Variants in CRPPA observed in about 807,000 individuals in gnomAD.
CRPPA encodes the protein D-ribitol-5-phosphate cytidylyltransferase.
In CRPPA, 43 loss-of-function variants were observed where a neutral mutation model predicts 52.0. The ratio of observed to expected loss-of-function variants is 0.83; its 90% confidence interval spans 0.65 to 1.07. The LOEUF (loss-of-function observed/expected upper bound fraction) is 1.07, where lower values mean the gene tolerates loss of function less well. Among genes scored for constraint, CRPPA ranks in the 50% least tolerant of loss-of-function variants. CRPPA has a pLI of 0.00. For synonymous variants in CRPPA, 250 were observed against 203.5 expected (o/e 1.23, Z -1.94); for missense variants, 629 against 551.7 (o/e 1.14, Z -1.40).
At position 16,100,352 on chromosome 7, in the gene CRPPA, A is replaced by G. The variant is rs538964913; in HGVS notation, c.1252-8553T>C. Among the ~76,000 whole-genome samples, 3 of 152,260 alleles carry G rather than the reference A, an allele frequency of 2.0e-5. No individual in the cohort carries two copies. The East Asian group carries it at 5.8e-4, about 29-fold the overall frequency. On this transcript the variant is annotated intron_variant, in intron 9 of 9. Coordinates refer to ENST00000407010, the MANE Select transcript of CRPPA (RefSeq NM_001101426.4). ...CCCTAATGTTTTTATTTGGTTTGCAATCTACAGGACTTAATTTCTCAGCTA... is the reference window on the plus strand; with the variant it reads ...CCCTAATGTTTTTATTTGGTTTGCAGTCTACAGGACTTAATTTCTCAGCTA...
intron 3 of CRPPA, among the ~76,000 whole-genome samples, chr7:16,342,171 G>A (rs931676195): frequency 6.6e-6 from 1 of 152,098 alleles, no homozygotes; most frequent in Non-Finnish European, 1.5e-5. Context: ...CTCTGATTAT[G>A]TGTCCTAACA....
At chr7:16,100,425 A>G (rs1782021071) in intron 9 of CRPPA, among the ~76,000 whole-genome samples, 1 of 152,360 alleles carries the variant, frequency 6.6e-6, no homozygotes, top group East Asian at 1.9e-4. Context: ...AAACTCAAAC[A>G]TAGTACTATG....
At chr7:16,128,348 T>C (rs1221531219) in intron 9 of CRPPA, among the ~76,000 whole-genome samples, 3 of 152,174 alleles carry the variant, frequency 2.0e-5, no homozygotes, top group Admixed American at 1.3e-4. Context: ...AAAAAATTCA[T>C]CTCAACCTCC....
intron 9 of CRPPA, among the ~76,000 whole-genome samples, chr7:16,144,791 G>C (rs146972642): frequency 5.9e-5 from 9 of 152,108 alleles, no homozygotes; most frequent in Non-Finnish European, 1.2e-4. Context: ...CTCTCTCAGC[G>C]GCTGCTGGAC....
chr7:16,321,992 C>G (rs1785275743), intron 3 of CRPPA, among the ~76,000 whole-genome samples: 2 of 152,038 alleles, frequency 1.3e-5, no homozygotes, highest in South Asian at 2.1e-4. Flanking sequence ...CTAAAAGAGA[C>G]AAGAACATTC....
At chr7:16,247,755 T>A (rs2128408633) in intron 8 of CRPPA, 1 of 152,282 alleles carries the variant, frequency 6.6e-6, no homozygotes, top group South Asian at 2.1e-4. Flanking sequence ...GTTCAAGTAT[T>A]ATAAAGGGAT....
chr7:16,168,850 C>T (rs1315058436), intron 9 of CRPPA, among the ~76,000 whole-genome samples: 6 of 152,154 alleles, frequency 3.9e-5, no homozygotes, highest in Non-Finnish European at 8.8e-5. Flanking sequence ...AAAGTAAAGT[C>T]TCTCAACAAA....
intron 2 of CRPPA, among the ~76,000 whole-genome samples, chr7:16,398,593 G>T (rs1477682567): frequency 6.6e-6 from 1 of 152,034 alleles, no homozygotes; most frequent in African/African-American, 2.4e-5. Context: ...CGTGACTGAC[G>T]TTGCTACAGC....
intron 3 of CRPPA, among the ~76,000 whole-genome samples, chr7:16,339,130 T>C (rs1366555916): frequency 6.6e-6 from 1 of 152,010 alleles, no homozygotes; most frequent in Non-Finnish European, 1.5e-5. Context: ...AGGAAGAAGT[T>C]ATACCAATTC....
intron 9 of CRPPA, among the ~76,000 whole-genome samples, chr7:16,124,069 G>A (rs895640989): frequency 6.7e-6 from 1 of 149,566 alleles, no homozygotes; most frequent in African/African-American, 2.5e-5. Context: ...TAAATAACCA[G>A]TAGTTGGATT....
chr7:16,247,678 G>C (rs1024005106), intron 8 of CRPPA, among the ~76,000 whole-genome samples: 1 of 152,080 alleles, frequency 6.6e-6, no homozygotes, highest in Non-Finnish European at 1.5e-5. Context: ...CCAGACACAG[G>C]GTTGCCAAAA....
At chr7:16,346,990 C>T (rs915438644) in intron 3 of CRPPA, among the ~76,000 whole-genome samples, 2 of 152,038 alleles carry the variant, frequency 1.3e-5, no homozygotes, top group African/African-American at 4.8e-5. Flanking sequence ...AGTCAACCCA[C>T]AGACAAGTGA....
At position 16,327,782 on chromosome 7, in the gene CRPPA, A is replaced by T. The variant is rs114484157; in HGVS notation, c.685-19155T>A. Among the ~76,000 whole-genome samples the T allele has an allele frequency of 6.3e-3, 963 of 152,268 alleles. 15 individuals are homozygous for T. Among genetic ancestry groups the T allele is most frequent in the African/African-American group, 0.023 (945 of 41,552 alleles). ...GCTTATTAAGAAAACCTATCAATATAGGCACTGAAGGGGGAAGGAGCTCCT... is the reference window on the plus strand; with the variant it reads ...GCTTATTAAGAAAACCTATCAATATTGGCACTGAAGGGGGAAGGAGCTCCT... On this transcript the variant is annotated intron_variant, in intron 3 of 9. Transcript: ENST00000407010.
In CRPPA at chr7:16,194,467, C is replaced by G. The variant is rs534865111; in HGVS notation, c.1251+21599G>C. Among the ~76,000 whole-genome samples the G allele has an allele frequency of 2.6e-5, 4 of 152,188 alleles. No individual in the cohort carries two copies. The East Asian group carries it at 5.8e-4, about 22-fold the overall frequency. ...CTGTCCCCTAAATTTGACTATAAAG[C>G]CTCTAACAAAGTAGCATGGCAAGAA... On this transcript the variant is annotated intron_variant, in intron 9 of 9. Transcript: ENST00000407010.
chr7:16,298,711 T>C (rs993294828), intron 5 of CRPPA, among the ~76,000 whole-genome samples: 1 of 152,194 alleles, frequency 6.6e-6, no homozygotes, highest in Admixed American at 6.5e-5. Context: ...AACATTATTA[T>C]TGAGTGTGCC....
rs545114830 is a variant in CRPPA at position 16,149,413 on chromosome 7, G to A, written c.1252-57614C>T. ...TACAGAATGCACTATCTAGAAAAGC[G>A]TTCTAGAAAGAAAGGACAGGAAACA... On this transcript the variant is annotated intron_variant, in intron 9 of 9. Transcript: ENST00000407010. Among the ~76,000 whole-genome samples the A allele has an allele frequency of 4.6e-5, 7 of 152,224 alleles. No individual in the cohort carries two copies. The South Asian group carries it at 6.2e-4, about 14-fold the overall frequency.
chr7:16,145,189 G>A (rs1782951192), intron 9 of CRPPA, among the ~76,000 whole-genome samples: 1 of 152,170 alleles, frequency 6.6e-6, no homozygotes, highest in African/African-American at 2.4e-5. Flanking sequence ...TTAGGGACAT[G>A]CCCAGGCAGA....
chr7:16,281,885 T>A (rs1473484643), intron 5 of CRPPA, among the ~76,000 whole-genome samples: 1 of 152,178 alleles, frequency 6.6e-6, no homozygotes, highest in African/African-American at 2.4e-5. Context: ...GTTCGTAACA[T>A]CTTAATATCT....
At chr7:16,119,082 G>A (rs1236315002) in intron 9 of CRPPA, among the ~76,000 whole-genome samples, 1 of 152,096 alleles carries the variant, frequency 6.6e-6, no homozygotes, top group African/African-American at 2.4e-5. Context: ...CCAGCTCCAT[G>A]CTCATTCCTG....
Sources: allele counts gnomAD v4.1 joint callset (sites outside exome capture counted in the v4.1 genomes callset), GRCh38; gene constraint gnomAD v4.1.1; transcripts MANE v1.5; gene names NCBI Gene and HGNC (gene_info 2026-07-23, HGNC 2026-07-21).